Variants in ZBED6 observed in about 807,000 individuals in gnomAD.
ZBED6 encodes zinc finger BED-type containing 6, also known as zinc finger BED domain-containing protein 6.
In ZBED6, 40 loss-of-function variants were observed where a neutral mutation model predicts 58.4. That is an observed-to-expected ratio of 0.68 (90% confidence interval 0.53 to 0.89). The LOEUF (loss-of-function observed/expected upper bound fraction) is 0.89, where lower values mean the gene tolerates loss of function less well. ZBED6 is among the 40% of genes least tolerant of loss of function. ZBED6 has a pLI of 0.00. For missense variants in ZBED6, 1,057 were observed against 1,003.9 expected (o/e 1.05, Z -0.71); for synonymous variants, 439 against 350.6 (o/e 1.25, Z -2.82).
chr1:203,824,667 A>G (rs953459725), intron 3 of ZBED6, among the ~76,000 whole-genome samples: 10 of 152,102 alleles, frequency 6.6e-5, no homozygotes, highest in African/African-American at 2.4e-4. Flanking sequence ...TTCATGATGT[A>G]TTTGGTTCCA....
chr1:203,799,053 C>G, exon 1 of ZBED6: 2 of 1,536,124 alleles, frequency 1.3e-6, no homozygotes, highest in Non-Finnish European at 1.7e-6. Flanking sequence ...TGCGTCTTTT[C>G]TCAATAATGG....
chr1:203,849,839 T>C (rs1688834446), exon 14 of ZBED6: 1 of 1,613,970 alleles, frequency 6.2e-7, no homozygotes, highest in South Asian at 1.1e-5. Context: ...TTCGGGGAGA[T>C]GTAGCCTCTT....
chr1:203,852,153 T>G (rs1689469911), exon 17 of ZBED6: 1 of 1,613,674 alleles, frequency 6.2e-7, no homozygotes, highest in Middle Eastern at 1.7e-4. Flanking sequence ...TTGTGCTGCC[T>G]CCAACCCAGT....
At chr1:203,850,645 T>A (rs1340238673) in exon 15 of ZBED6, 2 of 1,614,046 alleles carry the variant, frequency 1.2e-6, no homozygotes, top group Non-Finnish European at 1.7e-6. Flanking sequence ...GCTCCAGCAG[T>A]GTCCTACAGG....
intron 16 of ZBED6, among the ~76,000 whole-genome samples, chr1:203,851,374 G>C (rs1189084888): frequency 6.6e-6 from 1 of 152,178 alleles, no homozygotes; most frequent in African/African-American, 2.4e-5. Flanking sequence ...GTGTCACCCA[G>C]ACTGGAGTGC....
chr1:203,797,966 G>C (rs1669197095), exon 1 of ZBED6: 1 of 1,535,680 alleles, frequency 6.5e-7, no homozygotes. Context: ...ACACCTGGCG[G>C]GCCATTTGTA....
chr1:203,837,221 G>C (rs763521644), intron 9 of ZBED6, among the ~76,000 whole-genome samples: 1 of 151,336 alleles, frequency 6.6e-6, no homozygotes, highest in African/African-American at 2.4e-5. Flanking sequence ...AGCCTAGGAG[G>C]TGGAGGTTGC....
rs1186015901 is a variant in ZBED6, at chr1:203,828,445, AAAG to A, written c.*2997+26_*2997+28del. 4.4e-6 allele frequency: 7 copies of A among 1,582,506 alleles called. No individual in the cohort carries two copies. The Admixed American group carries it at 1.3e-4, about 28-fold the overall frequency. ...AAAGTGAGATCAGTTTTTAATTTTA[AAAG>A]AATATCAAATGAACACCTATTATGC... On this transcript the variant is annotated intron_variant, in intron 4 of 16. Coordinates refer to ENST00000550078, the Ensembl canonical transcript of ZBED6.
chr1:203,798,793 C>A, exon 1 of ZBED6: 5 of 1,536,148 alleles, frequency 3.3e-6, no homozygotes, highest in Non-Finnish European at 4.4e-6. Context: ...GATATGCATC[C>A]TTACAACTAT....
intron 12 of ZBED6, 151 bp downstream of exon 12, chr1:203,847,838 A>G (rs1038495348): frequency 4.9e-5 from 56 of 1,132,048 alleles, no homozygotes; most frequent in Admixed American, 1.4e-4. Flanking sequence ...CAGTAGTGCT[A>G]TGTAGACCTA....
At chr1:203,814,722 AT>A (rs1675678321) in intron 1 of ZBED6, among the ~76,000 whole-genome samples, 1 of 152,092 alleles carries the variant, frequency 6.6e-6, no homozygotes. Context: ...CTGCTTACAT[AT>A]TTTTAGATTT....
chr1:203,798,624 T>A, exon 1 of ZBED6: 1 of 1,536,146 alleles, frequency 6.5e-7, no homozygotes, highest in Non-Finnish European at 8.7e-7. Context: ...TGACTCTGAT[T>A]CAGATGAACC....
chr1:203,807,671 T>A (rs1048739661), intron 1 of ZBED6, among the ~76,000 whole-genome samples: 1 of 152,036 alleles, frequency 6.6e-6, no homozygotes, highest in Non-Finnish European at 1.5e-5. Context: ...GGACCACAGA[T>A]GTATGGACCA....
At chr1:203,804,682 T>C (rs1294997809) in intron 1 of ZBED6, among the ~76,000 whole-genome samples, 6 of 151,648 alleles carry the variant, frequency 4.0e-5, no homozygotes, top group Admixed American at 3.9e-4. Context: ...ATCTTTTTTT[T>C]TTTTTTTGAT....
In ZBED6 at chr1:203,797,986, A is replaced by G. The variant is rs1228367551; in HGVS notation, c.464A>G (p.Glu155Gly). Residue 155 changes from glutamate to glycine, a missense_variant, in exon 1 of 17, where the codon GAG becomes GGG. Physicochemically the swap from Glu to Gly is moderately conservative, Grantham distance 98. Coordinates refer to ENST00000550078, the Ensembl canonical transcript of ZBED6. ...TGGCGGGCCATTTGTAACCTCTGTG[A>G]GAAAAGCGTCAGCAGGGGTAAACCA... 2.6e-6 allele frequency: 4 copies of G among 1,535,040 alleles called. No individual in the cohort carries two copies. The highest frequency in any genetic ancestry group is 3.9e-5 in the Admixed American group (2 of 51,004).
In ZBED6 at chr1:203,851,052, T is replaced by C. The variant is rs1689129614; in HGVS notation, c.*4806-5T>C. The stretch of plus-strand genomic sequence containing the variant: ...CACTGAATTACCTGACTCTTCCTTT[T>C]GTAGGCTGTTGTCCCGCTTGTCTCT... On this transcript the variant is annotated splice_polypyrimidine_tract_variant and splice_region_variant and intron_variant, in intron 15 of 16. Coordinates refer to ENST00000550078, the Ensembl canonical transcript of ZBED6. 6.2e-7 allele frequency: 1 copy of C among 1,613,994 alleles called. No individual in the cohort carries two copies. Among genetic ancestry groups the C allele is most frequent in the Non-Finnish European group, 8.5e-7 (1 of 1,179,986 alleles).
intron 1 of ZBED6, among the ~76,000 whole-genome samples, chr1:203,814,391 G>T (rs1371623956): frequency 6.6e-6 from 1 of 152,186 alleles, no homozygotes; most frequent in Non-Finnish European, 1.5e-5. Flanking sequence ...ATATGTGGTG[G>T]TGCAAGCCTG....
chr1:203,799,785 C>G (rs1210150224), exon 1 of ZBED6: 2 of 1,094,186 alleles, frequency 1.8e-6, no homozygotes, highest in African/African-American at 1.6e-5. Flanking sequence ...AGATACCCTA[C>G]TAAGTGCCAT....
At chr1:203,799,232 A>G (rs1469130433) in exon 1 of ZBED6, 2 of 869,268 alleles carry the variant, frequency 2.3e-6, no homozygotes, top group Non-Finnish European at 3.7e-6. Flanking sequence ...CTAATGTGGT[A>G]CATGCAATCA....
Sources: allele counts gnomAD v4.1 joint callset (sites outside exome capture counted in the v4.1 genomes callset), GRCh38; gene constraint gnomAD v4.1.1; transcripts MANE v1.5; gene names NCBI Gene and HGNC (gene_info 2026-07-23, HGNC 2026-07-21).